The following POLD1 variants were observed in gnomAD, a reference collection of about 807,000 sequenced individuals.
POLD1 encodes the protein DNA polymerase delta catalytic subunit.
Under a neutral mutation model 129.7 loss-of-function variants are expected in POLD1, and 79 were observed. The ratio of observed to expected loss-of-function variants is 0.61; its 90% CI spans 0.51 to 0.73. The LOEUF is 0.73. Among genes scored for constraint, POLD1 ranks in the 30% least tolerant of loss-of-function variants. POLD1 has a pLI of 0.00. For missense variants in POLD1, 1,338 were observed against 1,595.8 expected (o/e 0.84, Z 2.75); for synonymous variants, 714 against 683.3 (o/e 1.04, Z -0.70).
chr19:50,385,416 T>G (rs1187474412), intron 1 of POLD1, among the ~76,000 whole-genome samples: 1 of 151,952 alleles, frequency 6.6e-6, no homozygotes, highest in East Asian at 1.9e-4. Flanking sequence ...AGGCAAAGAT[T>G]AGTGGGGGAG....
Position 50,409,197 on chromosome 19 carries a change from G to A in POLD1, c.1968G>A (p.Leu656=). 1 of 1,613,576 alleles carries A rather than the reference G, an allele frequency of 6.2e-7. No individual in the cohort carries two copies. The highest frequency in any genetic ancestry group is 8.5e-7 in the Non-Finnish European group (1 of 1,179,632). The change falls in exon 16 of 27, where the codon CTG becomes CTA. Residue 656 remains leucine, a synonymous_variant. Transcript: ENST00000440232. The surrounding 1 kb of genome is among the most constrained non-coding windows in gnomAD (Gnocchi z 5.8). ...FVKTSVRKGL[L]PQILENLLSA... The stretch of plus-strand genomic sequence containing the variant: ...AGACCTCAGTGCGGAAGGGGCTGCT[G>A]CCCCAGATCCTGGAGAACCTGCTCA...
At position 50,409,722 on chromosome 19, in the gene POLD1, A is replaced by G. The variant is rs2039027713; in HGVS notation, c.2154+56A>G. 10 of 1,525,274 alleles carry G rather than the reference A, an allele frequency of 6.6e-6. No individual in the cohort carries two copies. Among genetic ancestry groups the G allele is most frequent in the South Asian group, 3.8e-5 (3 of 79,892 alleles). 94.5% of individuals were successfully genotyped at this position (1,525,274 alleles called of 1,614,324 possible). A position where few individuals can be genotyped will look rare whatever the true frequency, so the allele number is the denominator to read the frequency against. The stretch of plus-strand genomic sequence containing the variant: ...GGGGCAGGTGGGCCCCCTGTGTAGG[A>G]GACCAGGGCTCCATGTGGGGGACCT... On this transcript the variant is annotated intron_variant, in intron 17 of 26. Transcript: ENST00000440232. The surrounding 1 kb of genome is among the most constrained non-coding windows in gnomAD (Gnocchi z 5.8).
intron 24 of POLD1, 22 bp downstream of exon 24, chr19:50,416,745 GC>G: frequency 6.8e-7 from 1 of 1,471,610 alleles, no homozygotes. Flanking sequence ...TGGCCACTGG[GC>G]CCCCACTGGC....
chr19:50,400,211 A>ATTTTTTTTTTTTTTT (rs549820323), intron 3 of POLD1, among the ~76,000 whole-genome samples: 7 of 67,808 alleles, frequency 1.0e-4, no homozygotes, highest in Admixed American at 3.6e-4. Context: ...CTGGCCAATA[A>ATTTTTTTTTTTTTTT]TTTTTTTTTT....
intron 1 of POLD1, among the ~76,000 whole-genome samples, chr19:50,390,135 T>C (rs6509473): frequency 0.071 from 10,830 of 151,834 alleles, 1,289 homozygotes; most frequent in African/African-American, 0.24. Flanking sequence ...TCTCAAACTC[T>C]TGACCTCAGG....
intron 20 of POLD1, 86 bp from the exon 21 acceptor site, chr19:50,415,352 C>A: frequency 7.4e-7 from 1 of 1,351,112 alleles, no homozygotes; most frequent in Non-Finnish European, 1.0e-6. Flanking sequence ...AAGAGCTCAT[C>A]CTGGTCTCCA....
intron 22 of POLD1, chr19:50,416,093 T>C: frequency 1.7e-6 from 1 of 576,366 alleles, no homozygotes; most frequent in East Asian, 2.9e-5. Context: ...GGATTCATAA[T>C]CCTCCAGCTC....
intron 10 of POLD1, 135 bp downstream of exon 10, chr19:50,403,732 G>A (rs982688907): frequency 1.5e-6 from 1 of 683,848 alleles, no homozygotes; most frequent in African/African-American, 1.8e-5. Context: ...TGCCTGCAGG[G>A]GCAGCCTAGG....
At chr19:50,415,411 G>T in intron 20 of POLD1, 27 bp from the exon 21 acceptor site, 3 of 1,597,282 alleles carry the variant, frequency 1.9e-6, no homozygotes, top group South Asian at 2.2e-5. Context: ...GCCTTTTGGT[G>T]ACGCTGTGCG....
Position 50,409,057 on chromosome 19 carries a change from C to A in POLD1, c.1893-65C>A. ...GTGTGCTCATGGCCAAGGCCAGGAC[C>A]GTAGGGCAGAGGTGGGCTGGAGCAG... On this transcript the variant is annotated intron_variant, in intron 15 of 26. Transcript: ENST00000440232. The surrounding 1 kb of genome is among the most constrained non-coding windows in gnomAD (Gnocchi z 5.8). 1 of 1,381,306 alleles carries A rather than the reference C, an allele frequency of 7.2e-7. No homozygotes were observed. The highest frequency in any genetic ancestry group is 1.0e-6 in the Non-Finnish European group (1 of 973,272). 85.6% of individuals were successfully genotyped at this position (1,381,306 alleles called of 1,614,324 possible).
intron 1 of POLD1, among the ~76,000 whole-genome samples, chr19:50,396,640 G>GC (rs1478414281): frequency 6.6e-6 from 1 of 151,270 alleles, no homozygotes; most frequent in Non-Finnish European, 1.5e-5. Context: ...ACCATGCCCG[G>GC]CTAATTTTTT....
At chr19:50,395,646 A>G (rs2122159823) in intron 1 of POLD1, among the ~76,000 whole-genome samples, 1 of 151,912 alleles carries the variant, frequency 6.6e-6, no homozygotes, top group South Asian at 2.1e-4. Flanking sequence ...CACCTGTTTC[A>G]ACATTCTGTC....
At position 50,409,711 on chromosome 19, in the gene POLD1, C is replaced by T. The variant is rs2122391892; in HGVS notation, c.2154+45C>T. ...GAAGGCAACTGGGGGCAGGTGGGCC[C>T]CCTGTGTAGGAGACCAGGGCTCCAT... On this transcript the variant is annotated intron_variant, in intron 17 of 26. Transcript: ENST00000440232. The surrounding 1 kb of genome is among the most constrained non-coding windows in gnomAD (Gnocchi z 5.8). The T allele has an allele frequency of 2.6e-6, 4 of 1,561,470 alleles. No individual in the cohort carries two copies. The highest frequency in any genetic ancestry group is 3.5e-6 in the Non-Finnish European group (4 of 1,151,368).
rs3840923 is a variant in POLD1, at chr19:50,417,671, T to TC, written c.3219-161dup. 2.3e-3 allele frequency among the ~76,000 whole-genome samples: 254 copies of TC among 110,496 alleles called. 1 individual carries two copies. Among genetic ancestry groups the TC allele is most frequent in the African/African-American group, 3.0e-3 (71 of 23,382 alleles). 72.5% of individuals were successfully genotyped at this position (110,496 alleles called of 152,430 possible). On this transcript the variant is annotated intron_variant, in intron 26 of 26. Transcript: ENST00000440232. ...TCGCCAGGCACCCGCTGTTATCGGC[T>TC]CCCCCCCCCCACCCCCCCCGTGCCT...
chr19:50,405,858 C>T (rs1023689549), intron 10 of POLD1, among the ~76,000 whole-genome samples: 4 of 152,178 alleles, frequency 2.6e-5, no homozygotes, highest in East Asian at 1.9e-4. Flanking sequence ...CCCACCTGGC[C>T]GCCTGCTCAC....
chr19:50,405,141 C>A (rs2038829427), intron 10 of POLD1, among the ~76,000 whole-genome samples: 1 of 151,936 alleles, frequency 6.6e-6, no homozygotes, highest in Admixed American at 6.6e-5. Context: ...TCCATCCTCA[C>A]CTCAGGTGAT....
chr19:50,388,355 T>C (rs1038910434), intron 1 of POLD1, among the ~76,000 whole-genome samples: 26 of 152,212 alleles, frequency 1.7e-4, no homozygotes, highest in Admixed American at 4.6e-4. Context: ...AGTTAGCAAA[T>C]GAAGTCTTCT....
At chr19:50,387,170 A>T (rs1391143191) in intron 1 of POLD1, among the ~76,000 whole-genome samples, 2 of 152,132 alleles carry the variant, frequency 1.3e-5, no homozygotes, top group Admixed American at 6.6e-5. Context: ...AAAATACACA[A>T]CTAGCTGGAC....
intron 19 of POLD1, among the ~76,000 whole-genome samples, chr19:50,414,284 G>A (rs1020167036): frequency 6.6e-6 from 1 of 152,228 alleles, no homozygotes; most frequent in South Asian, 2.1e-4. Flanking sequence ...TCTGGGTCTC[G>A]CTCTGTCGCC....
Sources: gnomAD v4.1 joint callset for allele counts (sites outside exome capture counted in the v4.1 genomes callset) on GRCh38, gnomAD v4.1.1 for gene constraint, Gnocchi (gnomAD v3.1) non-coding constraint, MANE v1.5 for transcripts, NCBI Gene and HGNC (gene_info 2026-07-23, HGNC 2026-07-21) for gene names.